Variants in TRPC7 observed in about 807,000 individuals in gnomAD.
TRPC7 encodes transient receptor potential cation channel subfamily C member 7, also known as short transient receptor potential channel 7.
TRPC7 carries 42 observed loss-of-function variants against 90.1 expected under a neutral mutation model. That is an observed-to-expected ratio of 0.47 (90% confidence interval 0.36 to 0.60). The LOEUF is 0.60. TRPC7 is among the 20% of genes least tolerant of loss of function. TRPC7 has a pLI of 0.00. For synonymous variants in TRPC7, 451 were observed against 436.3 expected (o/e 1.03, Z -0.42); for missense variants, 955 against 1,112.3 (o/e 0.86, Z 2.01).
intron 3 of TRPC7, among the ~76,000 whole-genome samples, chr5:136,302,625 T>C (rs942780094): frequency 6.6e-6 from 1 of 152,106 alleles, no homozygotes; most frequent in South Asian, 2.1e-4. Flanking sequence ...TAAAACCTCT[T>C]CAACTCTCAC....
At chr5:136,224,475 C>T (rs1433041580) in intron 10 of TRPC7, among the ~76,000 whole-genome samples, 1 of 152,162 alleles carries the variant, frequency 6.6e-6, no homozygotes, top group Non-Finnish European at 1.5e-5. Context: ...ACCTGTGAGC[C>T]ATGCTGGGTG....
intron 2 of TRPC7, among the ~76,000 whole-genome samples, chr5:136,330,219 T>C (rs1027028642): frequency 6.6e-6 from 1 of 152,250 alleles, no homozygotes; most frequent in African/African-American, 2.4e-5. Context: ...CCCATTAGGA[T>C]GTAAGAAAAT....
chr5:136,276,906 T>C (rs878958715), intron 3 of TRPC7, among the ~76,000 whole-genome samples: 1 of 152,338 alleles, frequency 6.6e-6, no homozygotes, highest in Admixed American at 6.5e-5. Context: ...ACTTTTGTTT[T>C]TCAACTGCCA....
chr5:136,311,499 T>C lies in TRPC7; in HGVS notation c.963+4098A>G, dbSNP rs1007486830. Among the ~76,000 whole-genome samples the C allele has an allele frequency of 1.1e-4, 17 of 152,190 alleles. No homozygotes were observed. The East Asian group carries it at 3.3e-3, about 29-fold the overall frequency. On this transcript the variant is annotated intron_variant, in intron 3 of 11. Coordinates refer to ENST00000513104, the MANE Select transcript of TRPC7 (RefSeq NM_020389.3). Reference sequence around the variant, plus strand: ...AGAGGCTGGTTGGGTTGGTTCCCAGTTGTTGGGGCTGGAAGTTTCCTCAGC... The same window carrying C: ...AGAGGCTGGTTGGGTTGGTTCCCAGCTGTTGGGGCTGGAAGTTTCCTCAGC...
chr5:136,237,411 A>G (rs1357711632), intron 7 of TRPC7, among the ~76,000 whole-genome samples: 1 of 152,232 alleles, frequency 6.6e-6, no homozygotes, highest in East Asian at 1.9e-4. Flanking sequence ...CGAAACTGCA[A>G]ACCTCATCAG....
chr5:136,333,944 A>G (rs1355767732), intron 2 of TRPC7, among the ~76,000 whole-genome samples: 1 of 152,196 alleles, frequency 6.6e-6, no homozygotes, highest in Non-Finnish European at 1.5e-5. Context: ...TTTCCTTTGG[A>G]TCAAGTTTGC....
chr5:136,264,809 T>C (rs904379523), intron 5 of TRPC7, among the ~76,000 whole-genome samples: 1 of 152,110 alleles, frequency 6.6e-6, no homozygotes, highest in Non-Finnish European at 1.5e-5. Flanking sequence ...ATCAGGCTGG[T>C]CTCAAATTCC....
At chr5:136,230,557 CCTT>C (rs1755782366) in intron 8 of TRPC7, among the ~76,000 whole-genome samples, 1 of 152,182 alleles carries the variant, frequency 6.6e-6, no homozygotes. Context: ...ACATATTTAT[CCTT>C]CTTAAAATAG....
intron 10 of TRPC7, among the ~76,000 whole-genome samples, chr5:136,224,565 T>G (rs1188436640): frequency 2.0e-5 from 3 of 152,184 alleles, no homozygotes; most frequent in Non-Finnish European, 4.4e-5. Flanking sequence ...TCTATCACCC[T>G]GCTCGTACCC....
chr5:136,346,800 A>C (rs528155443), intron 2 of TRPC7, among the ~76,000 whole-genome samples: 41 of 152,222 alleles, frequency 2.7e-4, no homozygotes, highest in African/African-American at 8.4e-4. Context: ...AGGTTATCTC[A>C]ACCTGGTGCT....
chr5:136,335,836 G>A (rs1191857591), intron 2 of TRPC7, among the ~76,000 whole-genome samples: 9 of 149,496 alleles, frequency 6.0e-5, no homozygotes, highest in South Asian at 2.1e-4. Flanking sequence ...CCCGGGAGGC[G>A]GAGCTTGCAG....
chr5:136,277,041 T>C (rs1417254192), intron 3 of TRPC7, among the ~76,000 whole-genome samples: 1 of 152,244 alleles, frequency 6.6e-6, no homozygotes, highest in Non-Finnish European at 1.5e-5. Context: ...GCACTACTGC[T>C]GCCTGGGAAG....
chr5:136,290,542 C>T (rs574741744), intron 3 of TRPC7, among the ~76,000 whole-genome samples: 12 of 151,800 alleles, frequency 7.9e-5, no homozygotes, highest in East Asian at 1.9e-4. Flanking sequence ...AGGGTATCAG[C>T]GATGGAAGAC....
At chr5:136,315,212 A>G (rs1758969581) in intron 3 of TRPC7, among the ~76,000 whole-genome samples, 1 of 152,212 alleles carries the variant, frequency 6.6e-6, no homozygotes, top group Non-Finnish European at 1.5e-5. Flanking sequence ...AGCTCAATAA[A>G]TGCTTTTGAA....
In TRPC7 at chr5:136,315,747, C is replaced by G; in HGVS notation, c.813G>C (p.Lys271Asn). The G allele has an allele frequency of 3.7e-6, 6 of 1,614,020 alleles. No individual in the cohort carries two copies. The highest frequency in any genetic ancestry group is 5.1e-6 in the Non-Finnish European group (6 of 1,179,946). Reference sequence around the variant, plus strand: ...GGTCCAGCACGCCCACTACAAAATCCTTGCATTGCATAGATAACTTCCTGT... The same window carrying G: ...GGTCCAGCACGCCCACTACAAAATCGTTGCATTGCATAGATAACTTCCTGT... ...NDYRKLSMQC[K>N]DFVVGVLDLC... The change falls in exon 3 of 12, where the codon AAG becomes AAC. Residue 271 changes from lysine (K) to asparagine (N), a missense_variant. This residue lies in a region of TRPC7 where 484 missense variants were observed against 509.6 expected (regional missense o/e 0.95). Transcript: ENST00000513104.
chr5:136,223,557 G>A (rs576601363), intron 10 of TRPC7, among the ~76,000 whole-genome samples: 6 of 152,004 alleles, frequency 3.9e-5, no homozygotes, highest in Admixed American at 6.6e-5. Flanking sequence ...AGGTTGCAGC[G>A]AGCCGAGATC....
intron 5 of TRPC7, among the ~76,000 whole-genome samples, chr5:136,262,199 C>G (rs1756882262): frequency 6.6e-6 from 1 of 152,200 alleles, no homozygotes; most frequent in Non-Finnish European, 1.5e-5. Context: ...CTCTACATAG[C>G]AGTCAGTGAT....
chr5:136,252,595 G>A (rs1756558222), intron 5 of TRPC7, among the ~76,000 whole-genome samples: 1 of 141,048 alleles, frequency 7.1e-6, no homozygotes, highest in Non-Finnish European at 1.5e-5. Flanking sequence ...CCAGTTTCAT[G>A]GAAGACAATT....
intron 3 of TRPC7, among the ~76,000 whole-genome samples, chr5:136,299,332 GGTGTGTGCGTGTGTGTGTGT>G (rs1226477595): frequency 1.6e-5 from 2 of 127,040 alleles, no homozygotes; most frequent in Non-Finnish European, 3.2e-5. Flanking sequence ...CTCTGACTGG[GGTGTGTGCGTGTGTGTGTGT>G]GTGTGTGTGT....
Sources: gnomAD v4.1 joint callset for allele counts (sites outside exome capture counted in the v4.1 genomes callset) on GRCh38, gnomAD v4.1.1 for gene constraint, gnomAD v4.1.1 regional missense constraint, MANE v1.5 for transcripts, NCBI Gene and HGNC (gene_info 2026-07-23, HGNC 2026-07-21) for gene names.